Variants in PRELID2 observed in about 807,000 individuals in gnomAD.
The protein encoded by PRELID2 is PRELI domain containing 2, also known as PRELI domain-containing protein 2.
PRELID2 carries 25 observed loss-of-function variants against 28.4 expected under a neutral mutation model. The ratio of observed to expected loss-of-function variants is 0.88; its 90% CI spans 0.64 to 1.23. The LOEUF is 1.23. PRELID2 is among the 50% of genes most tolerant of loss of function. PRELID2 has a pLI of 0.00. For missense variants in PRELID2, 201 were observed against 214.4 expected (o/e 0.94, Z 0.39); for synonymous variants, 76 against 71.6 (o/e 1.06, Z -0.31).
the PRELID2 span, among the ~76,000 whole-genome samples, chr5:145,413,610 A>T: frequency 8.6e-6 from 1 of 116,782 alleles, no homozygotes; most frequent in South Asian, 2.5e-4. Flanking sequence ...GATGAAGAAA[A>T]TACACACACA....
chr5:145,660,925 G>T (rs893827683), intron 1 of PRELID2, among the ~76,000 whole-genome samples: 1 of 152,268 alleles, frequency 6.6e-6, no homozygotes, highest in South Asian at 2.1e-4. Flanking sequence ...ACTATTTGTA[G>T]ATCGGCAACT....
chr5:145,589,550 G>A (rs569289447), intron 1 of PRELID2, among the ~76,000 whole-genome samples: 1 of 151,778 alleles, frequency 6.6e-6, no homozygotes, highest in African/African-American at 2.4e-5. Flanking sequence ...TTTCTAGTAA[G>A]GCTGAATTTT....
chr5:145,415,548 G>A, the PRELID2 span, among the ~76,000 whole-genome samples: 23 of 146,682 alleles, frequency 1.6e-4, no homozygotes, highest in Middle Eastern at 7.1e-3. Context: ...TTTTGTCCTT[G>A]CGATAGTTTA....
At chr5:145,551,393 T>G (rs1051925310) in intron 1 of PRELID2, among the ~76,000 whole-genome samples, 4 of 145,164 alleles carry the variant, frequency 2.8e-5, no homozygotes, top group Non-Finnish European at 6.0e-5. Flanking sequence ...AAAGCAAGAC[T>G]CAGTCTCTAA....
At chr5:145,442,207 A>G in the PRELID2 span, among the ~76,000 whole-genome samples, 1 of 152,112 alleles carries the variant, frequency 6.6e-6, no homozygotes, top group African/African-American at 2.4e-5. Context: ...AAGACAGAAC[A>G]CAAACAAATG....
downstream of PRELID2, among the ~76,000 whole-genome samples, chr5:145,754,780 T>G (rs756523399): frequency 3.3e-4 from 50 of 152,298 alleles, no homozygotes; most frequent in Non-Finnish European, 5.7e-4. Flanking sequence ...AGGGACCAGA[T>G]GATGCTGAAG....
At chr5:145,703,555 C>T (rs1350541353) in intron 1 of PRELID2, among the ~76,000 whole-genome samples, 1 of 152,190 alleles carries the variant, frequency 6.6e-6, no homozygotes, top group South Asian at 2.1e-4. Context: ...TCTTGGGATC[C>T]CTTTCATTGT....
At chr5:145,316,388 G>A in the PRELID2 span, among the ~76,000 whole-genome samples, 4 of 152,224 alleles carry the variant, frequency 2.6e-5, no homozygotes, top group African/African-American at 9.6e-5. Flanking sequence ...TCACATAAAT[G>A]AAAACATCAA....
the PRELID2 span, among the ~76,000 whole-genome samples, chr5:145,289,140 G>A: frequency 1.3e-5 from 2 of 149,720 alleles, no homozygotes; most frequent in Non-Finnish European, 3.0e-5. Flanking sequence ...TCTCCTAAAT[G>A]ATTTTTTTTA....
the PRELID2 span, among the ~76,000 whole-genome samples, chr5:145,385,585 C>T: frequency 6.6e-6 from 1 of 152,096 alleles, no homozygotes; most frequent in African/African-American, 2.4e-5. Context: ...TTTTGCAACT[C>T]ATACATTTTT....
At chr5:145,340,770 CAT>C in the PRELID2 span, among the ~76,000 whole-genome samples, 4,140 of 116,458 alleles carry the variant, frequency 0.036, 98 homozygotes, top group Middle Eastern at 0.059. Flanking sequence ...TAAAAATATA[CAT>C]ATATATATAT....
the PRELID2 span, among the ~76,000 whole-genome samples, chr5:145,459,832 CAG>C: frequency 8.6e-5 from 12 of 140,120 alleles, no homozygotes; most frequent in Non-Finnish European, 6.1e-5. Flanking sequence ...TTTTTTTTGA[CAG>C]AGTCTTTCTC....
downstream of PRELID2, among the ~76,000 whole-genome samples, chr5:145,751,818 C>T (rs1358727653): frequency 2.0e-5 from 3 of 152,056 alleles, no homozygotes; most frequent in African/African-American, 7.2e-5. Flanking sequence ...CCCATCTCTA[C>T]TAAAAATACA....
chr5:145,433,707 C>A, the PRELID2 span, among the ~76,000 whole-genome samples: 1 of 152,096 alleles, frequency 6.6e-6, no homozygotes, highest in Middle Eastern at 3.2e-3. Context: ...CCAGCATCCT[C>A]CCCTCAAAGG....
chr5:145,741,856 A>ATAATTT (rs576260087), intron 1 of PRELID2, among the ~76,000 whole-genome samples: 2,728 of 36,012 alleles, frequency 0.076, 108 homozygotes, highest in East Asian at 0.36. Context: ...AAACATTTTT[A>ATAATTT]TAATTTAATT....
chr5:145,500,674 C>T (rs867501386), intron 1 of PRELID2, among the ~76,000 whole-genome samples: 50 of 151,972 alleles, frequency 3.3e-4, no homozygotes, highest in Admixed American at 8.5e-4. Context: ...AAGCATGATG[C>T]GTTGGAAAAT....
chr5:145,297,649 T>C, the PRELID2 span, among the ~76,000 whole-genome samples: 1 of 151,598 alleles, frequency 6.6e-6, no homozygotes, highest in African/African-American at 2.4e-5. Context: ...AAATAAAGGG[T>C]ATTCAATTAG....
the PRELID2 span, among the ~76,000 whole-genome samples, chr5:145,431,259 G>A: frequency 6.6e-6 from 1 of 151,868 alleles, no homozygotes; most frequent in African/African-American, 2.4e-5. Context: ...TTTTTAAGTA[G>A]TAATGTTCTA....
At chr5:145,706,758 C>T (rs1201033619) in intron 1 of PRELID2, among the ~76,000 whole-genome samples, 1 of 152,154 alleles carries the variant, frequency 6.6e-6, no homozygotes, top group East Asian at 1.9e-4. Flanking sequence ...AAAATGTTGT[C>T]TCATTTTAAG....
Sources: allele counts gnomAD v4.1 joint callset (sites outside exome capture counted in the v4.1 genomes callset), GRCh38; gene constraint gnomAD v4.1.1; transcripts MANE v1.5; gene names NCBI Gene and HGNC (gene_info 2026-07-23, HGNC 2026-07-21).